The following XYLT1 variants were observed in gnomAD, a reference collection of about 807,000 sequenced individuals.
XYLT1 encodes xylosyltransferase 1, also known as beta-D-xylosyltransferase 1.
In XYLT1, 36 loss-of-function variants were observed where a neutral mutation model predicts 91.3. The ratio of observed to expected loss-of-function variants is 0.39; its 90% confidence interval spans 0.30 to 0.52. The LOEUF (loss-of-function observed/expected upper bound fraction) is 0.52, where lower values mean the gene tolerates loss of function less well. Among genes scored for constraint, XYLT1 ranks in the 20% least tolerant of loss-of-function variants. The probability of loss-of-function intolerance (pLI) is 0.68; values close to 1 mark genes in which losing one functional copy is unlikely to be tolerated. For missense variants in XYLT1, 1,242 were observed against 1,284.5 expected (o/e 0.97, Z 0.51); for synonymous variants, 588 against 532.0 (o/e 1.11, Z -1.45).
chr16:17,434,732 G>T (rs892506823), intron 1 of XYLT1, among the ~76,000 whole-genome samples: 8 of 152,154 alleles, frequency 5.3e-5, no homozygotes, highest in African/African-American at 1.2e-4. Flanking sequence ...GCCAGGTGTG[G>T]TAGCACACAT....
chr16:17,232,176 C>CAATATATATTATATATAAAATATAT (rs1567333826), intron 3 of XYLT1, among the ~76,000 whole-genome samples: 5 of 141,184 alleles, frequency 3.5e-5, no homozygotes, highest in African/African-American at 7.8e-5. Context: ...ATATATTATA[C>CAATATATATTATATATAAAATATAT]AATATATACT....
rs1177580014 is a variant in XYLT1, at chr16:17,106,512, C to T, written c.*2183G>A. ...TCTGCTGCCTGGATCTGACGACCCT[C>T]CTCCTAAGATGGATCTCTCTCAAAG... On this transcript the variant is annotated 3_prime_UTR_variant, in exon 12 of 12. Transcript: ENST00000261381. 6.6e-6 allele frequency: 1 copy of T among 152,250 alleles called. No homozygotes were observed. The allele number at this position is 152,250 out of a possible 1,614,324, so 9.4% of individuals were successfully genotyped here.
chr16:17,232,394 T>C (rs4352032), intron 3 of XYLT1, among the ~76,000 whole-genome samples: 89,890 of 132,830 alleles, frequency 0.68, 30,505 homozygotes, highest in East Asian at 0.9. Context: ...ACTGTGTCTG[T>C]GTGTCTGTGT....
chr16:17,358,129 CCT>C lies in XYLT1; in HGVS notation c.364-81_364-80del, dbSNP rs1491109090. ...TACCCCAGCATCTTTTTCTTTCTTTCCTTTTTTTTTTTTTTTAAGAGACAGGG... is the reference window on the plus strand; with the variant it reads ...TACCCCAGCATCTTTTTCTTTCTTTCTTTTTTTTTTTTTTAAGAGACAGGG... On this transcript the variant is annotated intron_variant, in intron 1 of 11. Transcript: ENST00000261381. 4.7e-3 allele frequency: 6,090 copies of C among 1,301,364 alleles called. 2 individuals carry two copies. Among genetic ancestry groups the C allele is most frequent in the South Asian group, 6.9e-3 (462 of 67,422 alleles). 80.6% of individuals were successfully genotyped at this position (1,301,364 alleles called of 1,614,324 possible).
chr16:17,155,955 C>G (rs2031396791), intron 6 of XYLT1, among the ~76,000 whole-genome samples: 1 of 152,194 alleles, frequency 6.6e-6, no homozygotes, highest in Non-Finnish European at 1.5e-5. Context: ...CTCCTACCAG[C>G]AACAATTTAG....
intron 2 of XYLT1, among the ~76,000 whole-genome samples, chr16:17,296,474 C>T (rs973833637): frequency 6.6e-6 from 1 of 152,166 alleles, no homozygotes; most frequent in Non-Finnish European, 1.5e-5. Flanking sequence ...ATTCCCTGTT[C>T]CTGCCTCTCT....
At chr16:17,112,891 G>A (rs947238588) in intron 11 of XYLT1, among the ~76,000 whole-genome samples, 1 of 143,358 alleles carries the variant, frequency 7.0e-6, no homozygotes, top group South Asian at 2.2e-4. Context: ...CCAGGCTGGA[G>A]TGCAATGGCA....
At chr16:17,321,281 C>T (rs899629085) in intron 2 of XYLT1, among the ~76,000 whole-genome samples, 17 of 147,056 alleles carry the variant, frequency 1.2e-4, no homozygotes, top group Non-Finnish European at 2.2e-4. Context: ...CCCTCCCCAA[C>T]AAACTTTACT....
intron 3 of XYLT1, among the ~76,000 whole-genome samples, chr16:17,207,411 T>C (rs919955238): frequency 3.3e-5 from 5 of 152,182 alleles, no homozygotes; most frequent in South Asian, 4.1e-4. Flanking sequence ...GCCAAGGTCA[T>C]GCTCTTATCT....
At chr16:17,220,485 GT>G (rs1450737850) in intron 3 of XYLT1, among the ~76,000 whole-genome samples, 1 of 152,038 alleles carries the variant, frequency 6.6e-6, no homozygotes, top group African/African-American at 2.4e-5. Flanking sequence ...TTTTGTTTTT[GT>G]TTTTGAGACG....
rs539162433 is a variant in XYLT1 at position 17,118,730 on chromosome 16, T to C, written c.2224-751A>G. Among the ~76,000 whole-genome samples the C allele has an allele frequency of 2.8e-4, 43 of 152,250 alleles. No homozygotes were observed. In the South Asian group the frequency reaches 7.0e-3, roughly 25 times the overall value. ...GTAGTCAGAAAGGCCTTGTAAAATG[T>C]CCTCTTACTGCTGCCCCCAGGCTTC... On this transcript the variant is annotated intron_variant, in intron 10 of 11. Coordinates refer to ENST00000261381, the MANE Select transcript of XYLT1 (RefSeq NM_022166.4).
chr16:17,364,215 T>C (rs1396768501), intron 1 of XYLT1, among the ~76,000 whole-genome samples: 1 of 152,200 alleles, frequency 6.6e-6, no homozygotes, highest in Non-Finnish European at 1.5e-5. Context: ...TTTTTCTCAC[T>C]GACCCCCACG....
chr16:17,226,596 T>G (rs2033070440), intron 3 of XYLT1, among the ~76,000 whole-genome samples: 1 of 152,186 alleles, frequency 6.6e-6, no homozygotes, highest in South Asian at 2.1e-4. Context: ...GAGACAAGCC[T>G]GGCCAACGTG....
At chr16:17,451,129 C>T (rs1408992031) in intron 1 of XYLT1, among the ~76,000 whole-genome samples, 2 of 152,162 alleles carry the variant, frequency 1.3e-5, no homozygotes, top group Non-Finnish European at 2.9e-5. Context: ...CAAGTTCCAC[C>T]TCCAAATCTT....
intron 1 of XYLT1, among the ~76,000 whole-genome samples, chr16:17,466,263 C>T (rs2036895442): frequency 6.6e-6 from 1 of 152,118 alleles, no homozygotes; most frequent in African/African-American, 2.4e-5. Flanking sequence ...AAGATAGAGA[C>T]TCTCAACCTC....
intron 1 of XYLT1, among the ~76,000 whole-genome samples, chr16:17,462,039 C>A (rs1384423374): frequency 6.6e-6 from 1 of 152,200 alleles, no homozygotes; most frequent in East Asian, 1.9e-4. Flanking sequence ...TTTGCATCAA[C>A]CTCTCTGCCC....
intron 8 of XYLT1, 21 bp downstream of exon 8, chr16:17,138,334 C>A (rs1234871244): frequency 5.0e-6 from 8 of 1,600,560 alleles, no homozygotes; most frequent in Non-Finnish European, 6.8e-6. Context: ...AGGAGGCTGG[C>A]AGACCATGAG....
chr16:17,230,683 A>G (rs1213625286), intron 3 of XYLT1, among the ~76,000 whole-genome samples: 1 of 152,052 alleles, frequency 6.6e-6, no homozygotes, highest in Non-Finnish European at 1.5e-5. Context: ...AGGTCATCTG[A>G]GCACCTTTCA....
chr16:17,428,911 C>A (rs1266731251), intron 1 of XYLT1, among the ~76,000 whole-genome samples: 1 of 152,162 alleles, frequency 6.6e-6, no homozygotes, highest in African/African-American at 2.4e-5. Context: ...CAGCTACCTG[C>A]AGGGTCAATG....
Sources: allele counts gnomAD v4.1 joint callset (sites outside exome capture counted in the v4.1 genomes callset), GRCh38; gene constraint gnomAD v4.1.1; transcripts MANE v1.5; gene names NCBI Gene and HGNC (gene_info 2026-07-23, HGNC 2026-07-21).